ANG: variants seen among roughly 807,000 people sequenced by gnomAD.
The protein encoded by ANG is angiogenin.
For synonymous variants in ANG, 74 were observed against 73.8 expected, an observed-to-expected ratio of 1.00 and a Z score of -0.02; for missense variants, 178 against 187.4, an observed-to-expected ratio of 0.95 and a Z score of 0.29.
Position 20,688,877 on chromosome 14 carries a change from A to G in ANG, c.-19+3A>G, listed in dbSNP as rs1431783895. 2.0e-6 allele frequency: 2 copies of G among 983,882 alleles called. No individual in the cohort carries two copies. Among genetic ancestry groups the G allele is most frequent in the Non-Finnish European group, 2.4e-6 (2 of 828,662 alleles). The allele number at this position is 983,882 out of a possible 1,614,324, so 60.9% of individuals were successfully genotyped here. ...TTTTGTAAGATTCTTCCTCCTGGGT[A>G]AACTATTGTTCAATTTGTTTTATAT... On this transcript the variant is annotated splice_donor_region_variant and intron_variant, in intron 1 of 1. Transcript: ENST00000397990.
At chr14:20,693,116 G>A (rs543021346) in intron 1 of ANG, among the ~76,000 whole-genome samples, 171 of 152,290 alleles carry the variant, frequency 1.1e-3, no homozygotes, top group Non-Finnish European at 2.0e-3. Context: ...CAAAGTGCTG[G>A]GATTACAGGC....
At chr14:20,692,973 G>A (rs7143451) in intron 1 of ANG, among the ~76,000 whole-genome samples, 151,022 of 151,458 alleles carry the variant, frequency 1, 75,296 homozygotes, top group Middle Eastern at 1. Context: ...TCAGCCTCCC[G>A]AGTAGCTGGG....
At chr14:20,685,731 G>T (rs540202898), upstream of ANG, among the ~76,000 whole-genome samples, 2 of 152,240 alleles carry the variant, frequency 1.3e-5, no homozygotes, top group Admixed American at 6.5e-5. Flanking sequence ...TGTCTAGAAA[G>T]TACTAGTATG....
chr14:20,691,361 C>G (rs570381480), intron 1 of ANG, among the ~76,000 whole-genome samples: 1 of 152,292 alleles, frequency 6.6e-6, no homozygotes, highest in South Asian at 2.1e-4. Flanking sequence ...GAGCAAGAGA[C>G]TTAATTGATT....
At position 20,693,602 on chromosome 14, in the gene ANG, T is replaced by C. The variant is rs200240901; in HGVS notation, c.38T>C (p.Val13Ala). The C allele has an allele frequency of 5.8e-5, 93 of 1,613,896 alleles. No homozygotes were observed. The highest frequency in any genetic ancestry group is 7.3e-5 in the Non-Finnish European group (86 of 1,180,042). The change falls in exon 2 of 2, where the codon GTG (valine) becomes GCG (alanine). Residue 13 changes from valine to alanine, a missense_variant. By Grantham distance (64) the Val-to-Ala change is moderately conservative (BLOSUM62 0). Transcript: ENST00000397990. ...CTGGGCGTTTTGTTGTTGGTCTTCG[T>C]GCTGGGTCTGGGTCTGACCCCACCG... is the stretch of plus-strand genomic sequence containing the variant. ...MGLGVLLLVF[V>A]LGLGLTPPTL...
intron 1 of ANG, among the ~76,000 whole-genome samples, chr14:20,690,177 TGCAGTCCGCAGTCCGGCCTGGGCGACA>T (rs1324800034): frequency 2.5e-5 from 3 of 117,824 alleles, no homozygotes; most frequent in Non-Finnish European, 4.8e-5. Context: ...ATTGCGCCAC[TGCAGTCCGCAGTCCGGCCTGGGCGACA>T]GAGCGAGACT....
chr14:20,685,762 C>T (rs1886391928), upstream of ANG, among the ~76,000 whole-genome samples: 1 of 152,132 alleles, frequency 6.6e-6, no homozygotes, highest in African/African-American at 2.4e-5. Context: ...GTTGTGTGGG[C>T]CCGGCACGGT....
intron 1 of ANG, among the ~76,000 whole-genome samples, chr14:20,690,265 A>C (rs940065342): frequency 6.6e-6 from 1 of 151,566 alleles, no homozygotes; most frequent in African/African-American, 2.4e-5. Flanking sequence ...AAAAGAAAAA[A>C]AGGACAGAGA....
intron 1 of ANG, among the ~76,000 whole-genome samples, chr14:20,692,214 G>T (rs950253611): frequency 6.6e-6 from 1 of 152,148 alleles, no homozygotes; most frequent in Non-Finnish European, 1.5e-5. Context: ...TTCTCCCTTT[G>T]TGAGAATTTC....
rs774955064 is a variant in ANG at position 20,693,528 on chromosome 14, C to T, written c.-18-19C>T. On this transcript the variant is annotated intron_variant, in intron 1 of 1. Transcript: ENST00000397990. ...GATGCTGTTCTTGGGTCTACCACACCTCCTTTTGCCCTCCGCAGGAGCCTG... is the reference window on the plus strand; with the variant it reads ...GATGCTGTTCTTGGGTCTACCACACTTCCTTTTGCCCTCCGCAGGAGCCTG... 2.7e-5 allele frequency: 43 copies of T among 1,608,220 alleles called. No homozygotes were observed. The highest frequency in any genetic ancestry group is 1.8e-4 in the Admixed American group (11 of 59,998).
rs141398857 is a variant in ANG at position 20,693,920 on chromosome 14, G to A, written c.356G>A (p.Arg119Gln). Residue 119 changes from arginine to glutamine, a missense_variant, in exon 2 of 2, where the codon CGA becomes CAA. Arg to Gln is a conservative substitution (Grantham distance 43). Transcript: ENST00000397990. ...TCCCCCTGGCCTCCATGCCAGTACC[G>A]AGCCACAGCGGGGTTCAGAAACGTT... The part of the protein sequence containing the change: ...GGSPWPPCQY[R>Q]ATAGFRNVVV... The A allele has an allele frequency of 5.0e-6, 8 of 1,613,978 alleles. No homozygotes were observed. The highest frequency in any genetic ancestry group is 2.2e-5 in the East Asian group (1 of 44,892).
intron 1 of ANG, among the ~76,000 whole-genome samples, chr14:20,689,575 T>C (rs569467185): frequency 3.9e-5 from 6 of 152,342 alleles, no homozygotes; most frequent in African/African-American, 1.4e-4. Context: ...AGAATAATTC[T>C]TGTGAATACT....
In ANG at chr14:20,694,081, G is replaced by T. The variant is rs1886980469; in HGVS notation, c.*73G>T. On this transcript the variant is annotated 3_prime_UTR_variant, in exon 2 of 2. Transcript: ENST00000397990. ...TTTCCCCTCTGCACCCAGAACAGTG[G>T]TGGCAACATTCATTGCCAAGGGCCC... is the stretch of plus-strand genomic sequence containing the variant. The T allele has an allele frequency of 1.3e-6, 2 of 1,560,702 alleles. No homozygotes were observed. Among genetic ancestry groups the T allele is most frequent in the Non-Finnish European group, 1.8e-6 (2 of 1,131,840 alleles).
At chr14:20,692,678 C>A (rs1886830450) in intron 1 of ANG, among the ~76,000 whole-genome samples, 1 of 152,210 alleles carries the variant, frequency 6.6e-6, no homozygotes, top group Non-Finnish European at 1.5e-5. Flanking sequence ...CATAGAAATA[C>A]TGTCTTCCAC....
upstream of ANG, chr14:20,688,634 A>G (rs1886539644): frequency 5.4e-6 from 5 of 928,412 alleles, no homozygotes; most frequent in South Asian, 2.5e-4. Context: ...GTGGGTTAAT[A>G]TCTAACCCAA....
intron 1 of ANG, among the ~76,000 whole-genome samples, chr14:20,692,562 C>T (rs1886820635): frequency 6.6e-6 from 1 of 152,216 alleles, no homozygotes; most frequent in Non-Finnish European, 1.5e-5. Context: ...TTGTGAACTG[C>T]GCATGTGCGG....
upstream of ANG, among the ~76,000 whole-genome samples, chr14:20,688,041 G>T (rs1886506039): frequency 6.6e-6 from 1 of 152,186 alleles, no homozygotes; most frequent in African/African-American, 2.4e-5. Flanking sequence ...CGCAAGCAAT[G>T]GATCTACAGC....
At chr14:20,689,415 G>T (rs1296026120) in intron 1 of ANG, among the ~76,000 whole-genome samples, 1 of 152,152 alleles carries the variant, frequency 6.6e-6, no homozygotes, top group African/African-American at 2.4e-5. Context: ...TTACTTTGGG[G>T]GATTTTGCCC....
chr14:20,684,313 A>G (rs1305597197), upstream of ANG: 1 of 152,232 alleles, frequency 6.6e-6, no homozygotes, highest in African/African-American at 2.4e-5. Flanking sequence ...TTGGGAGCAG[A>G]AGCCAGTTTC....
Sources: allele counts gnomAD v4.1 joint callset (sites outside exome capture counted in the v4.1 genomes callset), GRCh38; gene constraint gnomAD v4.1.1; transcripts MANE v1.5; gene names NCBI Gene and HGNC (gene_info 2026-07-23, HGNC 2026-07-21).